Variants in DLG2 observed in about 807,000 individuals in gnomAD.
DLG2 encodes disks large homolog 2.
A neutral mutation model predicts 132.5 loss-of-function variants in DLG2; 45 were observed. The observed-to-expected ratio is 0.34, with a 90% CI of 0.27 to 0.44. The LOEUF (loss-of-function observed/expected upper bound fraction) is 0.44. DLG2 is among the 20% of genes least tolerant of loss of function. DLG2 has a pLI of 1.00. For missense variants in DLG2, 1,045 were observed against 1,196.9 expected, an observed-to-expected ratio of 0.87 and a Z score of 1.87; for synonymous variants, 424 against 419.6, an observed-to-expected ratio of 1.01 and a Z score of -0.13.
intron 3 of DLG2, among the ~76,000 whole-genome samples, chr11:85,437,484 C>T (rs1444927088): frequency 6.6e-6 from 1 of 152,162 alleles, no homozygotes; most frequent in Non-Finnish European, 1.5e-5. Flanking sequence ...TAAGCATCTA[C>T]TATGTACCCA....
rs2081055917 is a variant in DLG2, at chr11:83,691,813, A to G, written c.1826-58488T>C. ...GTGGATACCGAAAAGTGCAAGTTAC[A>G]ATAATTTTTTCCTGGACGGTATCCA... is the stretch of plus-strand genomic sequence containing the variant. On this transcript the variant is annotated intron_variant, in intron 18 of 27. Coordinates refer to ENST00000376104, the MANE Select transcript of DLG2 (RefSeq NM_001142699.3). Among the ~76,000 whole-genome samples, 2 of 149,800 alleles carry G rather than the reference A, an allele frequency of 1.3e-5. 1 individual carries two copies. The highest frequency in any genetic ancestry group is 2.9e-5 in the Non-Finnish European group (2 of 67,890).
chr11:83,626,728 A>T (rs564416535), intron 19 of DLG2, among the ~76,000 whole-genome samples: 8 of 152,204 alleles, frequency 5.3e-5, no homozygotes, highest in Non-Finnish European at 8.8e-5. Context: ...AGGAAGACTG[A>T]TAACATATAT....
At chr11:84,190,368 T>G (rs992640030) in intron 8 of DLG2, among the ~76,000 whole-genome samples, 1 of 152,122 alleles carries the variant, frequency 6.6e-6, no homozygotes, top group African/African-American at 2.4e-5. Context: ...CCAAATTGCA[T>G]CCGATTTAAT....
chr11:84,540,122 T>C (rs1034575123), intron 6 of DLG2, among the ~76,000 whole-genome samples: 22 of 152,116 alleles, frequency 1.4e-4, no homozygotes, highest in African/African-American at 5.3e-4. Flanking sequence ...ACTCAGGACA[T>C]AGGCATGGGC....
At chr11:84,504,686 T>C (rs965985401) in intron 7 of DLG2, among the ~76,000 whole-genome samples, 2 of 152,162 alleles carry the variant, frequency 1.3e-5, no homozygotes, top group African/African-American at 4.8e-5. Flanking sequence ...TTTTTAACAT[T>C]GAAACCTTCA....
At chr11:84,508,681 T>G (rs1011770429) in intron 7 of DLG2, among the ~76,000 whole-genome samples, 1 of 152,206 alleles carries the variant, frequency 6.6e-6, no homozygotes, top group Admixed American at 6.5e-5. Flanking sequence ...ATTACAAGCA[T>G]GAGACACCGT....
chr11:83,581,338 C>T (rs1018292598), intron 19 of DLG2, among the ~76,000 whole-genome samples: 1 of 152,074 alleles, frequency 6.6e-6, no homozygotes, highest in Non-Finnish European at 1.5e-5. Flanking sequence ...AATAATTATT[C>T]TTCTCTGGAA....
chr11:84,976,442 T>G (rs1410499464), intron 6 of DLG2, among the ~76,000 whole-genome samples: 1 of 152,138 alleles, frequency 6.6e-6, no homozygotes, highest in Non-Finnish European at 1.5e-5. Context: ...ATAAATCATA[T>G]TCCTTGGGTG....
chr11:84,937,558 C>T (rs887795481), intron 6 of DLG2, among the ~76,000 whole-genome samples: 6 of 152,082 alleles, frequency 3.9e-5, no homozygotes, highest in Non-Finnish European at 7.4e-5. Context: ...AACAGTTTAG[C>T]TAACTCTGGA....
At chr11:84,124,367 G>A (rs1337407496) in intron 9 of DLG2, among the ~76,000 whole-genome samples, 1 of 152,142 alleles carries the variant, frequency 6.6e-6, no homozygotes, top group African/African-American at 2.4e-5. Context: ...TACCTCACAG[G>A]TTGTAAGATC....
At chr11:83,663,108 C>T (rs2074733840) in intron 18 of DLG2, among the ~76,000 whole-genome samples, 3 of 152,090 alleles carry the variant, frequency 2.0e-5, no homozygotes, top group Admixed American at 2.0e-4. Flanking sequence ...TATCTATTTT[C>T]CTGACTAATT....
intron 15 of DLG2, among the ~76,000 whole-genome samples, chr11:83,894,142 CCTTGTT>C: frequency 6.6e-6 from 1 of 152,288 alleles, no homozygotes; most frequent in East Asian, 1.9e-4. Context: ...AAATTATTCT[CCTTGTT>C]GCCTTCTTGT....
intron 15 of DLG2, among the ~76,000 whole-genome samples, chr11:83,878,687 A>G (rs974576331): frequency 5.9e-5 from 9 of 152,204 alleles, no homozygotes; most frequent in Non-Finnish European, 1.0e-4. Flanking sequence ...CCTCATTAGT[A>G]AGTCATGAAC....
intron 4 of DLG2, among the ~76,000 whole-genome samples, chr11:85,155,232 C>G (rs1372525326): frequency 4.6e-5 from 7 of 152,170 alleles, no homozygotes. Flanking sequence ...TATCATGTGA[C>G]CATCTTTGCC....
chr11:84,067,219 A>C (rs572788784), intron 10 of DLG2, among the ~76,000 whole-genome samples: 1 of 152,120 alleles, frequency 6.6e-6, no homozygotes, highest in East Asian at 1.9e-4. Context: ...CTGTAATCCC[A>C]GCTACTTGGG....
chr11:83,500,640 A>G (rs376677030), intron 21 of DLG2, among the ~76,000 whole-genome samples: 46 of 144,930 alleles, frequency 3.2e-4, no homozygotes, highest in African/African-American at 9.3e-4. Context: ...TAGGGGGGTT[A>G]TTTGTTCATT....
chr11:84,324,128 G>A (rs1038106608), intron 7 of DLG2, among the ~76,000 whole-genome samples: 8 of 151,942 alleles, frequency 5.3e-5, no homozygotes, highest in Non-Finnish European at 7.4e-5. Context: ...CCAAGAAATC[G>A]CAGTAAAGAC....
chr11:85,425,521 T>A (rs567489829), intron 3 of DLG2, among the ~76,000 whole-genome samples: 1 of 152,236 alleles, frequency 6.6e-6, no homozygotes, highest in East Asian at 1.9e-4. Flanking sequence ...ACACTTTAAA[T>A]TGAAAAAAAA....
intron 18 of DLG2, among the ~76,000 whole-genome samples, chr11:83,640,406 G>A (rs1468162233): frequency 6.6e-6 from 1 of 152,138 alleles, no homozygotes; most frequent in Non-Finnish European, 1.5e-5. Context: ...CTGAGGCTTA[G>A]GAAGGGTACA....
Sources: allele counts gnomAD v4.1 joint callset (sites outside exome capture counted in the v4.1 genomes callset), GRCh38; gene constraint gnomAD v4.1.1; transcripts MANE v1.5; gene names NCBI Gene and HGNC (gene_info 2026-07-23, HGNC 2026-07-21).